MCTP2: variants seen among roughly 807,000 people sequenced by gnomAD.
The protein encoded by MCTP2 is multiple C2 and transmembrane domain-containing protein 2.
Under a neutral mutation model 111.6 loss-of-function variants are expected in MCTP2, and 132 were observed. The ratio of observed to expected loss-of-function variants is 1.18; its 90% CI spans 1.03 to 1.37. MCTP2 has a LOEUF of 1.37. Among genes scored for constraint, MCTP2 ranks in the 40% most tolerant of loss-of-function variants. MCTP2 has a pLI of 0.00. For synonymous variants in MCTP2, 395 were observed against 387.7 expected (o/e 1.02, Z -0.22); for missense variants, 1,183 against 1,067.9 (o/e 1.11, Z -1.50).
intron 20 of MCTP2, among the ~76,000 whole-genome samples, chr15:94,467,362 C>T (rs1350973151): frequency 6.6e-6 from 1 of 151,928 alleles, no homozygotes; most frequent in Non-Finnish European, 1.5e-5. Flanking sequence ...TGAAAGGGGG[C>T]AAATTTCTTT....
intron 4 of MCTP2, among the ~76,000 whole-genome samples, chr15:94,334,724 T>C (rs1259165584): frequency 6.6e-6 from 1 of 151,946 alleles, no homozygotes; most frequent in Non-Finnish European, 1.5e-5. Context: ...TTTTTTTTTT[T>C]CGGTGGAGAT....
Position 94,479,249 on chromosome 15 carries a change from C to T in MCTP2, c.*215C>T, listed in dbSNP as rs186850267. 5.6e-5 allele frequency: 32 copies of T among 576,412 alleles called. No individual in the cohort carries two copies. The highest frequency in any genetic ancestry group is 3.1e-4 in the Admixed American group (11 of 34,946). The allele number at this position is 576,412 out of a possible 1,614,324, so 35.7% of individuals were successfully genotyped here. ...CTAGTTGCGTAGAGGGTCAGCCCAG[C>T]GAAAAGCAACAACCCCAAGACTGTG... On this transcript the variant is annotated 3_prime_UTR_variant, in exon 23 of 23. Transcript: ENST00000357742.
intron 1 of MCTP2, among the ~76,000 whole-genome samples, chr15:94,245,598 A>G (rs1015895970): frequency 1.4e-5 from 2 of 145,160 alleles, no homozygotes; most frequent in East Asian, 2.0e-4. Context: ...ATATACGTAT[A>G]TAGACATATA....
chr15:94,459,501 TTGA>T (rs1232096488), intron 20 of MCTP2, among the ~76,000 whole-genome samples: 5 of 152,216 alleles, frequency 3.3e-5, no homozygotes, highest in Non-Finnish European at 5.9e-5. Flanking sequence ...TTAAACAAAG[TTGA>T]TGAATTTTTA....
In MCTP2 at chr15:94,339,276, T is replaced by C. The variant is rs2077516054; in HGVS notation, c.638-14T>C. Reference sequence around the variant, plus strand: ...TATTTTAAAATTCTGTCTTGTTTTCTTTTCCTTTTAAAGGCACAAGTGATC... The same window carrying C: ...TATTTTAAAATTCTGTCTTGTTTTCCTTTCCTTTTAAAGGCACAAGTGATC... On this transcript the variant is annotated splice_polypyrimidine_tract_variant and intron_variant, in intron 4 of 22. Transcript: ENST00000357742. 6.4e-7 allele frequency: 1 copy of C among 1,571,864 alleles called. No homozygotes were observed. The highest frequency in any genetic ancestry group is 8.6e-7 in the Non-Finnish European group (1 of 1,161,804).
intron 11 of MCTP2, among the ~76,000 whole-genome samples, chr15:94,369,772 A>G (rs370963083): frequency 3.3e-5 from 5 of 152,296 alleles, no homozygotes; most frequent in East Asian, 1.9e-4. Context: ...AAGAGCATCA[A>G]TGTAATTCTA....
At chr15:94,305,332 C>T (rs751695827) in intron 2 of MCTP2, among the ~76,000 whole-genome samples, 5 of 152,130 alleles carry the variant, frequency 3.3e-5, no homozygotes, top group African/African-American at 7.2e-5. Flanking sequence ...TTGTTATAGT[C>T]GCCTGAGCTG....
intron 2 of MCTP2, among the ~76,000 whole-genome samples, chr15:94,306,554 C>T (rs1352145175): frequency 6.6e-6 from 1 of 152,152 alleles, no homozygotes; most frequent in Non-Finnish European, 1.5e-5. Context: ...AAAAGTTGAT[C>T]ACAAAAGGAA....
At chr15:94,304,716 C>T (rs2075802380) in intron 2 of MCTP2, among the ~76,000 whole-genome samples, 1 of 152,152 alleles carries the variant, frequency 6.6e-6, no homozygotes, top group Non-Finnish European at 1.5e-5. Context: ...AATGGCATTT[C>T]ATACACCATC....
intron 17 of MCTP2, among the ~76,000 whole-genome samples, chr15:94,410,139 C>T (rs913137669): frequency 1.3e-5 from 2 of 152,166 alleles, no homozygotes; most frequent in Non-Finnish European, 2.9e-5. Flanking sequence ...GGAATTACTG[C>T]TATCTGATAT....
chr15:94,257,830 C>T (rs1220442298), intron 1 of MCTP2, among the ~76,000 whole-genome samples: 1 of 150,194 alleles, frequency 6.7e-6, no homozygotes, highest in Non-Finnish European at 1.5e-5. Flanking sequence ...TGTGATCTGC[C>T]CTCCTCGGCC....
At chr15:94,294,065 C>G (rs1206639705) in intron 1 of MCTP2, among the ~76,000 whole-genome samples, 1 of 152,170 alleles carries the variant, frequency 6.6e-6, no homozygotes. Flanking sequence ...TGTGCAGCAA[C>G]TGGATGAATC....
intron 2 of MCTP2, among the ~76,000 whole-genome samples, chr15:94,300,700 G>A (rs530624689): frequency 6.6e-6 from 1 of 152,224 alleles, no homozygotes; most frequent in Non-Finnish European, 1.5e-5. Context: ...TATCAGAGCT[G>A]TTGTTGCAAA....
intron 1 of MCTP2, among the ~76,000 whole-genome samples, chr15:94,233,097 C>T (rs529328343): frequency 6.6e-6 from 1 of 152,000 alleles, no homozygotes; most frequent in Non-Finnish European, 1.5e-5. Context: ...AGTGTAAATC[C>T]GGCAGATTTA....
At chr15:94,335,991 TAAAA>T (rs2077341845) in intron 4 of MCTP2, among the ~76,000 whole-genome samples, 1 of 152,112 alleles carries the variant, frequency 6.6e-6, no homozygotes, top group Non-Finnish European at 1.5e-5. Flanking sequence ...TCTTAAAAAT[TAAAA>T]AAAGGAGAAG....
chr15:94,434,085 G>A (rs1203205379), intron 17 of MCTP2, among the ~76,000 whole-genome samples: 2 of 151,794 alleles, frequency 1.3e-5, no homozygotes, highest in African/African-American at 4.8e-5. Context: ...TTTATATTTT[G>A]ATGAAGTCTT....
At chr15:94,328,131 CTT>C (rs61495849) in intron 4 of MCTP2, among the ~76,000 whole-genome samples, 13 of 138,718 alleles carry the variant, frequency 9.4e-5, no homozygotes, top group Non-Finnish European at 9.2e-5. Context: ...TATTTCTTTT[CTT>C]TTTTTTTTTT....
intron 1 of MCTP2, among the ~76,000 whole-genome samples, chr15:94,245,181 T>G (rs935735028): frequency 6.9e-6 from 1 of 144,866 alleles, no homozygotes; most frequent in South Asian, 2.2e-4. Context: ...TGTATAGATT[T>G]ATACACACAT....
chr15:94,237,564 A>G (rs988856338), intron 1 of MCTP2, among the ~76,000 whole-genome samples: 7 of 152,240 alleles, frequency 4.6e-5, no homozygotes, highest in African/African-American at 7.2e-5. Context: ...TTACTTTCCA[A>G]TCTGACTCTG....
Sources: allele counts gnomAD v4.1 joint callset (sites outside exome capture counted in the v4.1 genomes callset), GRCh38; gene constraint gnomAD v4.1.1; transcripts MANE v1.5; gene names NCBI Gene and HGNC (gene_info 2026-07-23, HGNC 2026-07-21).